Variants in ZNF500 observed in about 807,000 individuals in gnomAD.
ZNF500 encodes zinc finger protein 500, also known as zinc finger protein with KRAB and SCAN domains 18.
ZNF500 carries 31 observed loss-of-function variants against 30.1 expected under a neutral mutation model. The ratio of observed to expected loss-of-function variants is 1.03; its 90% CI spans 0.77 to 1.39. The LOEUF (loss-of-function observed/expected upper bound fraction) is 1.39, where lower values mean the gene tolerates loss of function less well. Among genes scored for constraint, ZNF500 ranks in the 40% most tolerant of loss-of-function variants. ZNF500 has a pLI of 0.00. For missense variants in ZNF500, 817 were observed against 657.8 expected (o/e 1.24, Z -2.65); for synonymous variants, 392 against 282.0 (o/e 1.39, Z -3.91).
At chr16:4,747,522 G>A (rs1450865467), downstream of ZNF500, 3 of 1,613,182 alleles carry the variant, frequency 1.9e-6, no homozygotes, top group Admixed American at 3.3e-5. Context: ...AAGGGGCAGA[G>A]CGCCCAGGCT....
At chr16:4,762,451 G>C (rs897853308) in intron 3 of ZNF500, 116 bp from the exon 4 acceptor site, 34 of 1,515,696 alleles carry the variant, frequency 2.2e-5, no homozygotes, top group Non-Finnish European at 2.8e-5. Context: ...TCCACTCCTT[G>C]CTGGAGAGCC....
In ZNF500 at chr16:4,766,062, GT is replaced by G. The variant is rs1567543387; in HGVS notation, c.-85del. The G allele has an allele frequency of 6.9e-6, 10 of 1,454,996 alleles. No homozygotes were observed. In the South Asian group the frequency reaches 8.4e-5, roughly 12 times the overall value. 90.1% of individuals were successfully genotyped at this position (1,454,996 alleles called of 1,614,324 possible). On this transcript the variant is annotated 5_prime_UTR_variant, in exon 2 of 6. Transcript: ENST00000219478. Reference sequence around the variant, plus strand: ...ACCTCTGGCCAGACACAGGAAGAGAGTTTTTTTCAGGGCCCTGTGGAGAGAC... The same window carrying G: ...ACCTCTGGCCAGACACAGGAAGAGAGTTTTTTCAGGGCCCTGTGGAGAGAC...
Position 4,749,682 on chromosome 16 carries a change from G to A in ZNF500, c.*2694C>T, listed in dbSNP as rs1043363185. On this transcript the variant is annotated 3_prime_UTR_variant, in exon 6 of 6. Transcript: ENST00000219478. ...ACAAAAATTAGCCAGGCGTAGTGGT[G>A]CGCACCTGTAATCCCAGCTACTCAG... 1 of 152,282 alleles carries A rather than the reference G, an allele frequency of 6.6e-6. No individual in the cohort carries two copies. Among genetic ancestry groups the A allele is most frequent in the Admixed American group, 6.5e-5 (1 of 15,272 alleles). 9.4% of individuals were successfully genotyped at this position (152,282 alleles called of 1,614,324 possible).
At chr16:4,766,715 T>G (rs757971208) in intron 1 of ZNF500, among the ~76,000 whole-genome samples, 12 of 152,184 alleles carry the variant, frequency 7.9e-5, no homozygotes, top group African/African-American at 2.7e-4. Context: ...CCTTTGGAAA[T>G]CTGATGAAAA....
At chr16:4,755,351 C>T (rs189778438) in intron 5 of ZNF500, among the ~76,000 whole-genome samples, 2 of 152,194 alleles carry the variant, frequency 1.3e-5, no homozygotes, top group Admixed American at 1.3e-4. Flanking sequence ...GAGTCTCGCT[C>T]TGTCTTCCAG....
rs2082257749 is a variant in ZNF500 at position 4,765,727 on chromosome 16, G to A, written c.252C>T (p.Arg84=). 4.3e-6 allele frequency: 7 copies of A among 1,613,436 alleles called. No individual in the cohort carries two copies. The highest frequency in any genetic ancestry group is 1.7e-4 in the Middle Eastern group (1 of 5,932). Reference sequence around the variant, plus strand: ...GCAGCTCCAGGATCTGCTCCTTGGTGCGCAGCTCCGGCCGCAGCCAGCGGC... The same window carrying A: ...GCAGCTCCAGGATCTGCTCCTTGGTACGCAGCTCCGGCCGCAGCCAGCGGC... ...LCCRWLRPEL[R]TKEQILELLV... is the part of the protein sequence containing the mutation. Residue 84 remains arginine (R), a synonymous_variant, in exon 2 of 6, where the codon CGC becomes CGT. Transcript: ENST00000219478.
intron 2 of ZNF500, among the ~76,000 whole-genome samples, 167 bp downstream of exon 2, chr16:4,765,398 G>C (rs897410123): frequency 3.9e-5 from 6 of 152,180 alleles, no homozygotes; most frequent in African/African-American, 1.2e-4. Context: ...TCAAAGGGTG[G>C]ACACCCATTA....
At chr16:4,764,577 C>G (rs1436973034) in intron 2 of ZNF500, among the ~76,000 whole-genome samples, 1 of 151,680 alleles carries the variant, frequency 6.6e-6, no homozygotes, top group Non-Finnish European at 1.5e-5. Flanking sequence ...GTCAGGAGAT[C>G]CAGACCACCC....
In ZNF500 at chr16:4,760,365, C is replaced by T. The variant is rs530957098; in HGVS notation, c.760+127G>A. On this transcript the variant is annotated intron_variant, in intron 5 of 5. Coordinates refer to ENST00000219478, the MANE Select transcript of ZNF500 (RefSeq NM_021646.4). ...CTGCAGGTGGGACTCTGCAGGGATACGGGTAGCCCTGTCCACGGAGGATCG... is the reference window on the plus strand; with the variant it reads ...CTGCAGGTGGGACTCTGCAGGGATATGGGTAGCCCTGTCCACGGAGGATCG... 12 of 799,758 alleles carry T rather than the reference C, an allele frequency of 1.5e-5. 1 individual carries two copies. The highest frequency in any genetic ancestry group is 5.3e-5 in the South Asian group (3 of 56,622). The allele number at this position is 799,758 out of a possible 1,614,324, so 49.5% of individuals were successfully genotyped here.
In ZNF500 at chr16:4,765,758, A is replaced by G. The variant is rs2082258264; in HGVS notation, c.221T>C (p.Leu74Pro). The change falls in exon 2 of 6, where the codon CTG (leucine) becomes CCG (proline). Residue 74 changes from leucine (L) to proline (P), a missense_variant. Leu to Pro is a moderately conservative substitution (Grantham distance 98). Transcript: ENST00000219478. Reference protein sequence around the residue: ...PREALSRLWELCCRWLRPELR... With the variant: ...PREALSRLWEPCCRWLRPELR... ...CTCCGGCCGCAGCCAGCGGCAGCAC[A>G]GCTCCCAGAGGCGGCTCAGGGCCTC... The G allele has an allele frequency of 6.2e-7, 1 of 1,613,044 alleles. No individual in the cohort carries two copies. The highest frequency in any genetic ancestry group is 8.5e-7 in the Non-Finnish European group (1 of 1,179,896).
At chr16:4,761,887 AAACC>A (rs2082205478) in intron 4 of ZNF500, among the ~76,000 whole-genome samples, 5 of 151,366 alleles carry the variant, frequency 3.3e-5, no homozygotes, top group African/African-American at 1.2e-4. Flanking sequence ...AAACAAACAA[AAACC>A]CCAAAAAAAC....
rs937485828 is a variant in ZNF500, at chr16:4,752,439, C to G, written c.1380G>C (p.Met460Ile). The G allele has an allele frequency of 2.5e-5, 38 of 1,539,456 alleles. No homozygotes were observed. The highest frequency in any genetic ancestry group is 1.7e-4 in the Middle Eastern group (1 of 5,808). The change falls in exon 6 of 6, where the codon ATG (methionine) becomes ATC (isoleucine). Residue 460 changes from methionine to isoleucine, a missense_variant. Transcript: ENST00000219478. ...TDLHKHQRTH[M>I]GAGSLPTLQP... ...GGAGCGTCGGCAAGGAGCCTGCCCCCATGTGGGTCCGCTGGTGCTTGTGCA... is the reference window on the plus strand; with the variant it reads ...GGAGCGTCGGCAAGGAGCCTGCCCCGATGTGGGTCCGCTGGTGCTTGTGCA...
chr16:4,747,432 C>G (rs776229179), downstream of ZNF500: 1 of 1,613,066 alleles, frequency 6.2e-7, no homozygotes, highest in Admixed American at 1.7e-5. Flanking sequence ...AGCAAGGGGC[C>G]CGCGGGTGGG....
chr16:4,745,711 A>G (rs2082006108), downstream of ZNF500, among the ~76,000 whole-genome samples: 1 of 152,154 alleles, frequency 6.6e-6, no homozygotes, highest in Admixed American at 6.6e-5. Context: ...GGCACTTTGG[A>G]AGGCCGAGGC....
At chr16:4,747,487 G>A, downstream of ZNF500, 1 of 1,613,298 alleles carries the variant, frequency 6.2e-7, no homozygotes, top group Non-Finnish European at 8.5e-7. Flanking sequence ...GAACTGGGAG[G>A]AAGCAACACA....
chr16:4,765,486 T>A (rs2082254000), intron 2 of ZNF500, 79 bp downstream of exon 2: 1 of 1,514,654 alleles, frequency 6.6e-7, no homozygotes, highest in Non-Finnish European at 8.8e-7. Context: ...GGTCACCCAA[T>A]GACCAAGGAA....
Position 4,752,281 on chromosome 16 carries a change from C to A in ZNF500, c.*95G>T. 2.8e-6 allele frequency: 4 copies of A among 1,429,942 alleles called. No homozygotes were observed. Among genetic ancestry groups the A allele is most frequent in the African/African-American group, 1.4e-5 (1 of 69,706 alleles). 88.6% of individuals were successfully genotyped at this position (1,429,942 alleles called of 1,614,324 possible). A position where few individuals can be genotyped will look rare whatever the true frequency, so the allele number is the denominator to read the frequency against. Reference sequence around the variant, plus strand: ...ATACTGGGCCATGGGAGGAAACGGGCAGCTGGCAATGCTTTCGGACCAGGC... The same window carrying A: ...ATACTGGGCCATGGGAGGAAACGGGAAGCTGGCAATGCTTTCGGACCAGGC... On this transcript the variant is annotated 3_prime_UTR_variant, in exon 6 of 6. Coordinates refer to ENST00000219478, the MANE Select transcript of ZNF500 (RefSeq NM_021646.4).
At chr16:4,744,743 C>T (rs999176112), downstream of ZNF500, 22 of 1,199,364 alleles carry the variant, frequency 1.8e-5, no homozygotes, top group East Asian at 5.0e-5. Flanking sequence ...GAGGGCTGGG[C>T]GGGGGCAGTG....
downstream of ZNF500, among the ~76,000 whole-genome samples, chr16:4,745,219 A>G (rs1340342559): frequency 1.3e-5 from 2 of 152,114 alleles, no homozygotes; most frequent in Admixed American, 6.5e-5. Flanking sequence ...CTGGCCATAA[A>G]TGGCAGGGCT....
Sources: allele counts gnomAD v4.1 joint callset (sites outside exome capture counted in the v4.1 genomes callset), GRCh38; gene constraint gnomAD v4.1.1; transcripts MANE v1.5; gene names NCBI Gene and HGNC (gene_info 2026-07-23, HGNC 2026-07-21).